Variants in DNAH7 observed in about 807,000 individuals in gnomAD.
DNAH7 encodes the protein dynein axonemal heavy chain 7, also known as axonemal beta dynein heavy chain 7.
Under a neutral mutation model 444.6 loss-of-function variants are expected in DNAH7, and 397 were observed. The observed-to-expected ratio is 0.89, with a 90% CI of 0.82 to 0.97. DNAH7 has a LOEUF of 0.97. Among genes scored for constraint, DNAH7 ranks in the 50% least tolerant of loss-of-function variants. The probability of loss-of-function intolerance (pLI) is 0.00; values close to 1 mark genes in which losing one functional copy is unlikely to be tolerated. For synonymous variants in DNAH7, 1,636 were observed against 1,624.4 expected (o/e 1.01, Z -0.17); for missense variants, 4,902 against 4,800.8 (o/e 1.02, Z -0.62).
intron 58 of DNAH7, among the ~76,000 whole-genome samples, chr2:195,783,778 G>GT (rs1695494015): frequency 6.6e-6 from 1 of 152,124 alleles, no homozygotes; most frequent in Admixed American, 6.5e-5. Context: ...CCATTCTGTT[G>GT]TAAGAGTGAT....
intron 61 of DNAH7, among the ~76,000 whole-genome samples, chr2:195,764,056 C>T (rs1290020596): frequency 1.3e-5 from 2 of 151,884 alleles, no homozygotes; most frequent in Non-Finnish European, 2.9e-5. Context: ...TGGGATTTAT[C>T]CCAAGAATGC....
intron 46 of DNAH7, among the ~76,000 whole-genome samples, chr2:195,852,157 C>G (rs1699411901): frequency 6.6e-6 from 1 of 152,052 alleles, no homozygotes; most frequent in South Asian, 2.1e-4. Context: ...ACTTGGGAGG[C>G]TGAGGCAGGA....
rs762288007 is a variant in DNAH7 at position 195,936,695 on chromosome 2, T to C, written c.3176A>G (p.Glu1059Gly). Reference sequence around the variant, plus strand: ...AAAGAGGCGTTTCTTTTCCAAATATTCATTAAGTCCTTTAAGAATGAGCTC... The same window carrying C: ...AAAGAGGCGTTTCTTTTCCAAATATCCATTAAGTCCTTTAAGAATGAGCTC... ...LLELILKGLN[E>G]YLEKKRLFFP... The change falls in exon 20 of 65, where the codon GAA (glutamate) becomes GGA (glycine). Residue 1059 changes from glutamate to glycine, a missense_variant. Transcript: ENST00000312428. 6 of 1,604,980 alleles carry C rather than the reference T, an allele frequency of 3.7e-6. No homozygotes were observed. Among genetic ancestry groups the C allele is most frequent in the South Asian group, 1.1e-5 (1 of 88,174 alleles).
intron 47 of DNAH7, among the ~76,000 whole-genome samples, chr2:195,837,143 ATTC>A (rs1698415686): frequency 6.6e-6 from 1 of 152,202 alleles, no homozygotes; most frequent in Non-Finnish European, 1.5e-5. Context: ...CTCATTCTTT[ATTC>A]TTTTTTTCCT....
chr2:195,807,051 A>T (rs1696747227), intron 53 of DNAH7, among the ~76,000 whole-genome samples: 1 of 152,230 alleles, frequency 6.6e-6, no homozygotes, highest in South Asian at 2.1e-4. Context: ...AATCAGGTTA[A>T]TGTCGACATG....
At chr2:195,895,853 T>G (rs1008745895) in intron 29 of DNAH7, among the ~76,000 whole-genome samples, 13 of 152,204 alleles carry the variant, frequency 8.5e-5, no homozygotes, top group African/African-American at 3.1e-4. Context: ...GGCATAAATA[T>G]TTTGAGATTC....
At chr2:195,917,397 C>A (rs1297520245) in intron 24 of DNAH7, among the ~76,000 whole-genome samples, 1 of 151,994 alleles carries the variant, frequency 6.6e-6, no homozygotes, top group East Asian at 1.9e-4. Flanking sequence ...CAAGTGCTGG[C>A]AGGCCACTGC....
At chr2:195,787,695 GTGGGGTCTACCCTC>G (rs1232006649) in intron 57 of DNAH7, among the ~76,000 whole-genome samples, 1 of 152,190 alleles carries the variant, frequency 6.6e-6, no homozygotes, top group Non-Finnish European at 1.5e-5. Flanking sequence ...GGAGGGTTGT[GTGGGGTCTACCCTC>G]TAAGTTCGAG....
chr2:195,750,792 G>C (rs1003868055), intron 63 of DNAH7, among the ~76,000 whole-genome samples: 4 of 152,198 alleles, frequency 2.6e-5, no homozygotes, highest in African/African-American at 9.6e-5. Flanking sequence ...CAGTGGTACA[G>C]AGCAGCCCCA....
Position 195,864,705 on chromosome 2 carries a change from C to T in DNAH7, c.6950G>A (p.Arg2317Gln), listed in dbSNP as rs1262544571. The change falls in exon 41 of 65, where the codon CGA becomes CAA. Residue 2317 changes from arginine to glutamine, a missense_variant. Transcript: ENST00000312428. ...SKKPMNLVLF[R>Q]FAIEHISRIS... The stretch of plus-strand genomic sequence containing the variant: ...TCTGCTGATGTGCTCTATGGCAAAT[C>T]GAAACAAGACAAGGTTCATGGGTTT... 11 of 1,613,972 alleles carry T rather than the reference C, an allele frequency of 6.8e-6. No homozygotes were observed. The highest frequency in any genetic ancestry group is 6.7e-5 in the African/African-American group (5 of 74,892).
chr2:195,860,488 T>C (rs1203712020), intron 42 of DNAH7, among the ~76,000 whole-genome samples: 2 of 152,066 alleles, frequency 1.3e-5, no homozygotes, highest in Admixed American at 1.3e-4. Flanking sequence ...CCGATTTCAC[T>C]AGGTAGTTGA....
intron 47 of DNAH7, among the ~76,000 whole-genome samples, chr2:195,843,191 AAC>A (rs1408805301): frequency 6.6e-6 from 1 of 152,216 alleles, no homozygotes; most frequent in Non-Finnish European, 1.5e-5. Context: ...ACTAAACATC[AAC>A]ACACACTGCC....
intron 46 of DNAH7, among the ~76,000 whole-genome samples, chr2:195,852,913 CACAG>C (rs763217880): frequency 0.1 from 13,428 of 133,576 alleles, 704 homozygotes; most frequent in Middle Eastern, 0.21. Flanking sequence ...CACACACACA[CACAG>C]AGAGAGAGAG....
At chr2:195,936,962 C>T (rs1689095830) in intron 19 of DNAH7, among the ~76,000 whole-genome samples, 170 bp from the exon 20 acceptor site, 1 of 152,048 alleles carries the variant, frequency 6.6e-6, no homozygotes, top group African/African-American at 2.4e-5. Flanking sequence ...TCTACTTGGC[C>T]TCTCTGATTC....
chr2:195,950,466 A>AT (rs1485255827), intron 19 of DNAH7, among the ~76,000 whole-genome samples: 4 of 151,508 alleles, frequency 2.6e-5, no homozygotes, highest in East Asian at 1.9e-4. Context: ...CCCCTTTATC[A>AT]TTTTTTTTAT....
At chr2:196,056,121 C>T (rs1427026995) in intron 2 of DNAH7, among the ~76,000 whole-genome samples, 1 of 152,170 alleles carries the variant, frequency 6.6e-6, no homozygotes, top group East Asian at 1.9e-4. Context: ...CTGCAGTAAA[C>T]AGTTCTGTGC....
At chr2:196,012,656 ATAT>A (rs1694789607) in intron 10 of DNAH7, 128 bp downstream of exon 10, 1 of 911,060 alleles carries the variant, frequency 1.1e-6, no homozygotes, top group Non-Finnish European at 1.6e-6. Flanking sequence ...ATAATTAAAG[ATAT>A]TATATTTAAA....
intron 43 of DNAH7, 53 bp from the exon 44 acceptor site, chr2:195,857,776 T>C: frequency 7.0e-7 from 1 of 1,420,218 alleles, no homozygotes; most frequent in African/African-American, 1.4e-5. Context: ...TATACAGTAA[T>C]TGTAAGTGGT....
chr2:195,898,914 C>T (rs960236765), intron 28 of DNAH7, among the ~76,000 whole-genome samples: 3 of 152,106 alleles, frequency 2.0e-5, no homozygotes, highest in Admixed American at 6.6e-5. Context: ...TTATTTCTTC[C>T]AACTTTAATA....
Sources: allele counts gnomAD v4.1 joint callset (sites outside exome capture counted in the v4.1 genomes callset), GRCh38; gene constraint gnomAD v4.1.1; transcripts MANE v1.5; gene names NCBI Gene and HGNC (gene_info 2026-07-23, HGNC 2026-07-21).